Variants in CDK13 observed in about 807,000 individuals in gnomAD.
The protein encoded by CDK13 is cyclin dependent kinase 13, also known as cyclin-dependent kinase 13.
CDK13 carries 40 observed loss-of-function variants against 137.6 expected under a neutral mutation model. That is an observed-to-expected ratio of 0.29 (90% CI 0.23 to 0.38). The LOEUF (loss-of-function observed/expected upper bound fraction) is 0.38. Among genes scored for constraint, CDK13 ranks in the 10% least tolerant of loss-of-function variants. The pLI is 1.00. For missense variants in CDK13, 1,704 were observed against 1,951.8 expected, an observed-to-expected ratio of 0.87 and a Z score of 2.39; for synonymous variants, 869 against 760.1, an observed-to-expected ratio of 1.14 and a Z score of -2.36.
At chr7:39,977,851 G>C (rs1784142690) in intron 1 of CDK13, among the ~76,000 whole-genome samples, 1 of 152,118 alleles carries the variant, frequency 6.6e-6, no homozygotes, top group African/African-American at 2.4e-5. Flanking sequence ...AAAGAGCATG[G>C]AAAAATGGAG....
At chr7:40,000,711 TAAGTA>T (rs1784664517) in intron 4 of CDK13, among the ~76,000 whole-genome samples, 1 of 152,122 alleles carries the variant, frequency 6.6e-6, no homozygotes, top group African/African-American at 2.4e-5. Flanking sequence ...TTAAAACTGT[TAAGTA>T]AAACGGACTC....
At chr7:39,998,877 A>G (rs1158767173) in intron 3 of CDK13, 2 of 151,926 alleles carry the variant, frequency 1.3e-5, no homozygotes, top group African/African-American at 4.8e-5. Context: ...TGTTTTTCAG[A>G]TGATTTCATC....
At chr7:40,039,772 G>A (rs1785565927) in intron 5 of CDK13, among the ~76,000 whole-genome samples, 1 of 152,050 alleles carries the variant, frequency 6.6e-6, no homozygotes, top group Non-Finnish European at 1.5e-5. Flanking sequence ...GTAAGTTGCA[G>A]CTAATTTTTT....
chr7:40,020,932 A>G (rs1785103100), intron 5 of CDK13, among the ~76,000 whole-genome samples: 1 of 152,088 alleles, frequency 6.6e-6, no homozygotes, highest in Non-Finnish European at 1.5e-5. Flanking sequence ...CTCTACCAAA[A>G]ATACAAAAAT....
At chr7:40,082,186 C>G (rs1276066788) in intron 11 of CDK13, among the ~76,000 whole-genome samples, 2 of 152,042 alleles carry the variant, frequency 1.3e-5, no homozygotes, top group African/African-American at 2.4e-5. Flanking sequence ...TGTGAAAAGC[C>G]TTTCATCAAA....
chr7:40,072,482 A>G (rs1233721733), intron 9 of CDK13: 1 of 152,244 alleles, frequency 6.6e-6, no homozygotes, highest in African/African-American at 2.4e-5. Flanking sequence ...AATTTGCATG[A>G]TAATGAAGAC....
At chr7:40,093,541 A>G (rs1786974203) in intron 13 of CDK13, among the ~76,000 whole-genome samples, 1 of 152,206 alleles carries the variant, frequency 6.6e-6, no homozygotes, top group Non-Finnish European at 1.5e-5. Context: ...TAATTTATGT[A>G]CACAGTAGCT....
intron 1 of CDK13, among the ~76,000 whole-genome samples, chr7:39,983,311 T>C (rs950660409): frequency 6.6e-6 from 1 of 152,114 alleles, no homozygotes; most frequent in Non-Finnish European, 1.5e-5. Context: ...TCAGTAGAGA[T>C]GGGGTTTCAC....
At chr7:39,958,858 T>C (rs935851134) in intron 1 of CDK13, among the ~76,000 whole-genome samples, 4 of 152,252 alleles carry the variant, frequency 2.6e-5, no homozygotes, top group African/African-American at 9.6e-5. Context: ...TTCAGAAGGC[T>C]TTTACAAATT....
At position 40,064,306 on chromosome 7, in the gene CDK13, TGGG is replaced by T. The variant is rs1169191676; in HGVS notation, c.2780+1211_2780+1213del. 7.5e-3 allele frequency among the ~76,000 whole-genome samples: 974 copies of T among 129,356 alleles called. 9 individuals are homozygous for T. The highest frequency in any genetic ancestry group is 0.028 in the African/African-American group (905 of 32,544). The allele number at this position is 129,356 out of a possible 152,430, so 84.9% of individuals were successfully genotyped here. On this transcript the variant is annotated intron_variant, in intron 9 of 13. Coordinates refer to ENST00000181839, the MANE Select transcript of CDK13 (RefSeq NM_003718.5). ...TCTCAAAAAAAAAAAAAAAAAAAGG[TGGG>T]GGGGCTTCAGTTTCATATGTAATAA...
intron 11 of CDK13, among the ~76,000 whole-genome samples, chr7:40,083,344 A>G (rs1382741998): frequency 1.3e-5 from 2 of 151,878 alleles, no homozygotes; most frequent in East Asian, 1.9e-4. Context: ...TAGAGATCAC[A>G]TGATCTAAAG....
At chr7:40,016,415 C>T (rs1785006288) in intron 5 of CDK13, among the ~76,000 whole-genome samples, 1 of 152,028 alleles carries the variant, frequency 6.6e-6, no homozygotes, top group African/African-American at 2.4e-5. Context: ...TAGAGTCTAC[C>T]TATATGTACT....
intron 5 of CDK13, among the ~76,000 whole-genome samples, chr7:40,024,267 C>T (rs79622523): frequency 0.031 from 4,719 of 152,254 alleles, 106 homozygotes; most frequent in Middle Eastern, 0.068. Context: ...AACAAAAAAA[C>T]CCTTCTCTAA....
At chr7:40,006,758 G>T (rs1784803377) in intron 5 of CDK13, among the ~76,000 whole-genome samples, 1 of 152,148 alleles carries the variant, frequency 6.6e-6, no homozygotes, top group South Asian at 2.1e-4. Flanking sequence ...CTCCAGCCTG[G>T]GCGACAGAGT....
rs569402812 is a variant in CDK13 at position 39,991,243 on chromosome 7, A to G, written c.1871+2985A>G. On this transcript the variant is annotated intron_variant, in intron 2 of 13. Coordinates refer to ENST00000181839, the MANE Select transcript of CDK13 (RefSeq NM_003718.5). ...AGTGGTTTATAAACTATTTCTCTTGAGGTAAAGAAACAATCTTTTCTGTTA... is the reference window on the plus strand; with the variant it reads ...AGTGGTTTATAAACTATTTCTCTTGGGGTAAAGAAACAATCTTTTCTGTTA... 2.3e-3 allele frequency among the ~76,000 whole-genome samples: 353 copies of G among 152,348 alleles called. 4 individuals are homozygous for G. The highest frequency in any genetic ancestry group is 8.2e-3 in the African/African-American group (342 of 41,580).
At chr7:40,085,534 A>G (rs1407635097) in intron 11 of CDK13, among the ~76,000 whole-genome samples, 1 of 152,148 alleles carries the variant, frequency 6.6e-6, no homozygotes, top group Non-Finnish European at 1.5e-5. Context: ...CAGTTACCCC[A>G]CTGTGCAGTA....
At chr7:40,087,271 G>A (rs1250109285) in intron 11 of CDK13, among the ~76,000 whole-genome samples, 1 of 151,984 alleles carries the variant, frequency 6.6e-6, no homozygotes. Context: ...AGCCTCCCAA[G>A]TAGCTGGGAC....
intron 12 of CDK13, 177 bp from the exon 13 acceptor site, chr7:40,092,608 A>G (rs1786948752): frequency 3.5e-6 from 2 of 575,044 alleles, no homozygotes; most frequent in African/African-American, 1.9e-5. Context: ...TTTTATGTAC[A>G]GGTACATTTT....
intron 5 of CDK13, among the ~76,000 whole-genome samples, chr7:40,031,810 T>C (rs1419969731): frequency 7.1e-6 from 1 of 139,928 alleles, no homozygotes; most frequent in Non-Finnish European, 1.5e-5. Context: ...CAAGCTCGGC[T>C]AATTTATTAT....
Sources: allele counts gnomAD v4.1 joint callset (sites outside exome capture counted in the v4.1 genomes callset), GRCh38; gene constraint gnomAD v4.1.1; transcripts MANE v1.5; gene names NCBI Gene and HGNC (gene_info 2026-07-23, HGNC 2026-07-21).